KRT84: variants seen among roughly 807,000 people sequenced by gnomAD.
The protein encoded by KRT84 is keratin, type II cuticular Hb4.
Under a neutral mutation model 49.0 loss-of-function variants are expected in KRT84, and 38 were observed. The ratio of observed to expected loss-of-function variants is 0.78; its 90% CI spans 0.60 to 1.02. The LOEUF (loss-of-function observed/expected upper bound fraction) is 1.02, where lower values mean the gene tolerates loss of function less well. KRT84 is among the 50% of genes least tolerant of loss of function. KRT84 has a pLI of 0.00. For synonymous variants in KRT84, 334 were observed against 312.8 expected, an observed-to-expected ratio of 1.07 and a Z score of -0.72; for missense variants, 860 against 788.6, an observed-to-expected ratio of 1.09 and a Z score of -1.08.
chr12:52,384,990 C>A (rs763567026), intron 1 of KRT84, 50 bp downstream of exon 1: 1 of 1,546,218 alleles, frequency 6.5e-7, no homozygotes, highest in Non-Finnish European at 8.7e-7. Flanking sequence ...CACTCTAGCG[C>A]ATTTTGGCTG....
intron 6 of KRT84, 94 bp downstream of exon 6, chr12:52,380,986 A>G (rs1939471386): frequency 6.7e-7 from 1 of 1,501,038 alleles, no homozygotes; most frequent in African/African-American, 1.4e-5. Context: ...CTGGGTCTTG[A>G]TGGTCTCCCT....
At chr12:52,380,746 G>A (rs2121435121) in intron 6 of KRT84, 163 bp from the exon 7 acceptor site, 2 of 749,228 alleles carry the variant, frequency 2.7e-6, no homozygotes, top group South Asian at 3.8e-5. Flanking sequence ...GTAGTTTGAT[G>A]TCACTATGGG....
intron 1 of KRT84, 72 bp downstream of exon 1, chr12:52,384,968 T>A (rs1248311817): frequency 6.8e-7 from 1 of 1,468,362 alleles, no homozygotes; most frequent in Non-Finnish European, 9.2e-7. Context: ...CAGTTCTTTT[T>A]AAGGGAAAGA....
intron 6 of KRT84, 132 bp downstream of exon 6, chr12:52,380,948 C>T: frequency 1.6e-6 from 2 of 1,276,788 alleles, no homozygotes; most frequent in Non-Finnish European, 2.2e-6. Flanking sequence ...GAAAGCCTTC[C>T]TGGACTGATC....
intron 2 of KRT84, among the ~76,000 whole-genome samples, chr12:52,383,310 A>C (rs1565776252): frequency 6.6e-6 from 1 of 152,150 alleles, no homozygotes; most frequent in South Asian, 2.1e-4. Flanking sequence ...AACCTGGTCT[A>C]TTGCTATGTT....
Position 52,383,619 on chromosome 12 carries a change from C to A in KRT84, c.726G>T (p.Leu242=). The A allele has an allele frequency of 6.2e-7, 1 of 1,613,576 alleles. No individual in the cohort carries two copies. The highest frequency in any genetic ancestry group is 1.1e-5 in the South Asian group (1 of 91,032). Reference sequence around the variant, plus strand: ...TCTTGAAGCCCTCTAGGACATCCTGCAGGTGGTTCCTCTCAGCCTGGAGCC... The same window carrying A: ...TCTTGAAGCCCTCTAGGACATCCTGAAGGTGGTTCCTCTCAGCCTGGAGCC... ...QARLQAERNH[L]QDVLEGFKKK... is the part of the protein sequence containing the mutation. Residue 242 remains leucine, a synonymous_variant, in exon 2 of 9, where the codon CTG becomes CTT. Coordinates refer to ENST00000257951, the MANE Select transcript of KRT84 (RefSeq NM_033045.4).
rs1613929 is a variant in KRT84 at position 52,383,796 on chromosome 12, A to C, written c.549T>G (p.Val183=). 356,580 of 1,587,722 alleles carry C rather than the reference A, an allele frequency of 0.22. 47,441 individuals are homozygous for C. Among genetic ancestry groups the C allele is most frequent in the African/African-American group, 0.57 (41,734 of 73,340 alleles). ...NNKFASFIDK[V]RFLEQQNKLL... ...GCTTATTCTGCTGCTCTAGGAACCG[A>C]ACCTAAATCCACAGGGCACAGAAAT... is the stretch of plus-strand genomic sequence containing the variant. Residue 183 remains valine (V), a splice_region_variant and synonymous_variant, in exon 2 of 9, where the codon GTT becomes GTG. Coordinates refer to ENST00000257951, the MANE Select transcript of KRT84 (RefSeq NM_033045.4).
chr12:52,383,707 A>C lies in KRT84; in HGVS notation c.638T>G (p.Leu213Arg). The change falls in exon 2 of 9, where the codon CTC becomes CGC. Residue 213 changes from leucine (L) to arginine (R), a missense_variant. By Grantham distance (102) the Leu-to-Arg change is moderately radical. Coordinates refer to ENST00000257951, the MANE Select transcript of KRT84 (RefSeq NM_033045.4). ...CAGGTTGGTGATGTAGCTCTCGAAG[A>C]GTGGCTCCAGATTGCTCCTGATACA... ...QKCIRSNLEP[L>R]FESYITNLRR... The C allele has an allele frequency of 1.2e-6, 2 of 1,614,178 alleles. No homozygotes were observed. The highest frequency in any genetic ancestry group is 2.2e-5 in the South Asian group (2 of 91,082).
chr12:52,378,881 A>G (rs1732288), intron 8 of KRT84, among the ~76,000 whole-genome samples: 48,704 of 151,976 alleles, frequency 0.32, 9,797 homozygotes, highest in African/African-American at 0.57. Flanking sequence ...TGTGCTCTGT[A>G]GCCCTCTGCT....
intron 6 of KRT84, 58 bp from the exon 7 acceptor site, chr12:52,380,641 G>A: frequency 1.3e-6 from 2 of 1,493,042 alleles, no homozygotes; most frequent in Admixed American, 4.0e-5. Context: ...CCCCAGGTTG[G>A]GTTAGAAACA....
upstream of KRT84, among the ~76,000 whole-genome samples, chr12:52,386,195 T>C (rs1198120675): frequency 6.6e-6 from 1 of 152,224 alleles, no homozygotes; most frequent in East Asian, 1.9e-4. Flanking sequence ...GGCTGTTTAG[T>C]ATACAAGAGT....
intron 2 of KRT84, 111 bp downstream of exon 2, chr12:52,383,479 G>T: frequency 1.2e-6 from 1 of 817,054 alleles, no homozygotes. Flanking sequence ...GCTTGATGTG[G>T]TAACCAGCAT....
Position 52,380,578 on chromosome 12 carries a change from G to C in KRT84, c.1209C>G (p.Ala403=), listed in dbSNP as rs568818056. Residue 403 remains alanine, a synonymous_variant, in exon 7 of 9, where the codon GCC becomes GCG. Transcript: ENST00000257951. The part of the protein sequence containing the change: ...AEIEHAKAQR[A]KLEAAVAEAE... ...CCTCGGCCACTGCAGCCTCCAACTT[G>C]GCACGCTGCAGGGAAGGCAGTTTGC... 372 of 1,610,724 alleles carry C rather than the reference G, an allele frequency of 2.3e-4. 4 individuals are homozygous for C. In the South Asian group the frequency reaches 3.2e-3, roughly 14 times the overall value.
intron 3 of KRT84, 112 bp from the exon 4 acceptor site, chr12:52,382,644 C>A: frequency 1.2e-6 from 1 of 830,614 alleles, no homozygotes; most frequent in South Asian, 1.6e-5. Flanking sequence ...ATGGTAAGGT[C>A]GCTGGGTAGA....
chr12:52,379,906 G>A lies in KRT84; in HGVS notation c.1426C>T (p.Leu476Phe), dbSNP rs778079342. 7 of 1,611,580 alleles carry A rather than the reference G, an allele frequency of 4.3e-6. No homozygotes were observed. Among genetic ancestry groups the A allele is most frequent in the Non-Finnish European group, 5.9e-6 (7 of 1,177,818 alleles). Residue 476 changes from leucine (L) to phenylalanine (F), a missense_variant and splice_region_variant, in exon 8 of 9, where the codon CTC (leucine) becomes TTC (phenylalanine). Transcript: ENST00000257951. ...TTTACTGGTCCAACACCTTCACAGA[G>A]CCTGGAAAGGGGAAGAAACAAATCA... is the stretch of plus-strand genomic sequence containing the variant. Reference protein sequence around the residue: ...RRLLEGEESRLCEGVGPVNIS... With the variant: ...RRLLEGEESRFCEGVGPVNIS...
intron 3 of KRT84, 76 bp from the exon 4 acceptor site, chr12:52,382,608 T>C (rs908480259): frequency 1.4e-5 from 17 of 1,195,964 alleles, no homozygotes; most frequent in Non-Finnish European, 2.1e-5. Flanking sequence ...TGGAGATGGG[T>C]GCAAAGAGGC....
chr12:52,377,961 C>T lies in KRT84; in HGVS notation c.*73G>A, dbSNP rs778745383. On this transcript the variant is annotated 3_prime_UTR_variant, in exon 9 of 9. Transcript: ENST00000257951. Reference sequence around the variant, plus strand: ...TGGAGACCGTCAAGCCCAGAGCCCACGAACCCTGGGGGCAGAAGCAGGAGC... The same window carrying T: ...TGGAGACCGTCAAGCCCAGAGCCCATGAACCCTGGGGGCAGAAGCAGGAGC... 80 of 1,233,548 alleles carry T rather than the reference C, an allele frequency of 6.5e-5. No individual in the cohort carries two copies. Among genetic ancestry groups the T allele is most frequent in the Middle Eastern group, 2.4e-4 (1 of 4,132 alleles). The allele number at this position is 1,233,548 out of a possible 1,614,324, so 76.4% of individuals were successfully genotyped here.
Position 52,385,163 on chromosome 12 carries a change from A to T in KRT84, c.423T>A (p.Thr141=), listed in dbSNP as rs1791631. ...GGGGGGTCAGTAGGCTCTTGTTCAC[A>T]GTCACAGCTGTGATAGATGGGGCTG... The part of the protein sequence containing the change: ...VPAAPSITAV[T]VNKSLLTPLN... Residue 141 remains threonine (T), a synonymous_variant, in exon 1 of 9, where the codon ACT becomes ACA. Transcript: ENST00000257951. The T allele has an allele frequency of 1.9e-6, 3 of 1,602,008 alleles. No homozygotes were observed. In the African/African-American group the frequency reaches 4.0e-5, roughly 22 times the overall value.
chr12:52,383,642 G>A lies in KRT84; in HGVS notation c.703C>T (p.Leu235Phe), dbSNP rs750814339. 6.8e-6 allele frequency: 11 copies of A among 1,613,890 alleles called. No homozygotes were observed. Among genetic ancestry groups the A allele is most frequent in the Admixed American group, 3.3e-5 (2 of 60,012 alleles). The change falls in exon 2 of 9, where the codon CTC (leucine) becomes TTC (phenylalanine). Residue 235 changes from leucine (L) to phenylalanine (F), a missense_variant. Coordinates refer to ENST00000257951, the MANE Select transcript of KRT84 (RefSeq NM_033045.4). Reference sequence around the variant, plus strand: ...TGCAGGTGGTTCCTCTCAGCCTGGAGCCGGGCCTGATCACTGACCAGCACC... The same window carrying A: ...TGCAGGTGGTTCCTCTCAGCCTGGAACCGGGCCTGATCACTGACCAGCACC... ...LEVLVSDQAR[L>F]QAERNHLQDV...
Sources: gnomAD v4.1 joint callset for allele counts (sites outside exome capture counted in the v4.1 genomes callset) on GRCh38, gnomAD v4.1.1 for gene constraint, MANE v1.5 for transcripts, NCBI Gene and HGNC (gene_info 2026-07-23, HGNC 2026-07-21) for gene names.